CC2D2B: variants seen among roughly 807,000 people sequenced by gnomAD.
CC2D2B encodes coiled-coil and C2 domain containing 2B.
CC2D2B carries 128 observed loss-of-function variants against 161.2 expected under a neutral mutation model. That is an observed-to-expected ratio of 0.79 (90% CI 0.69 to 0.92). The LOEUF (loss-of-function observed/expected upper bound fraction) is 0.92. Among genes scored for constraint, CC2D2B ranks in the 40% least tolerant of loss-of-function variants. The pLI, the probability that CC2D2B is intolerant of heterozygous loss-of-function variation, is 0.00. For missense variants in CC2D2B, 1,173 were observed against 1,375.1 expected (o/e 0.85, Z 2.32); for synonymous variants, 391 against 449.8 (o/e 0.87, Z 1.65).
Position 95,972,096 on chromosome 10 carries a change from C to G in CC2D2B, c.1675C>G (p.Leu559Val). The G allele has an allele frequency of 8.1e-7, 1 of 1,229,930 alleles. No homozygotes were observed. Among genetic ancestry groups the G allele is most frequent in the Non-Finnish European group, 1.0e-6 (1 of 985,970 alleles). The allele number at this position is 1,229,930 out of a possible 1,614,324, so 76.2% of individuals were successfully genotyped here. ...TGAAAAAAGTAAAAGGACAAGCTTA[C>G]TGGCAAAACTATATATACCTTTACC... Reference protein sequence around the residue: ...VYEKSKRTSLLAKLYIPLPNY... With the variant: ...VYEKSKRTSLVAKLYIPLPNY... The change falls in exon 16 of 35, where the codon CTG becomes GTG. Residue 559 changes from leucine (L) to valine (V), a missense_variant. Transcript: ENST00000646931.
chr10:95,960,060 A>G (rs2076708340), intron 11 of CC2D2B, among the ~76,000 whole-genome samples: 1 of 152,188 alleles, frequency 6.6e-6, no homozygotes, highest in Non-Finnish European at 1.5e-5. Context: ...TCATTCAAAT[A>G]GGTGTCAGGA....
intron 32 of CC2D2B, chr10:96,020,748 A>G (rs2141919075): frequency 6.6e-6 from 1 of 152,306 alleles, no homozygotes; most frequent in East Asian, 1.9e-4. Context: ...ACAATAAAAC[A>G]ATTGCTGGAC....
intron 32 of CC2D2B, chr10:96,021,402 A>G (rs1397010112): frequency 6.6e-6 from 1 of 152,258 alleles, no homozygotes; most frequent in African/African-American, 2.4e-5. Context: ...TACAGCAGTA[A>G]AAGATGAATG....
intron 9 of CC2D2B, among the ~76,000 whole-genome samples, chr10:95,941,297 A>T (rs892328698): frequency 2.0e-5 from 3 of 152,194 alleles, no homozygotes; most frequent in Non-Finnish European, 4.4e-5. Flanking sequence ...GGTTTCCTGG[A>T]TATGACACCA....
At position 95,924,335 on chromosome 10, in the gene CC2D2B, A is replaced by G; in HGVS notation, c.119A>G (p.Gln40Arg). The G allele has an allele frequency of 1.3e-6, 2 of 1,517,500 alleles. No homozygotes were observed. Among genetic ancestry groups the G allele is most frequent in the South Asian group, 1.3e-5 (1 of 78,168 alleles). 94.0% of individuals were successfully genotyped at this position (1,517,500 alleles called of 1,614,324 possible). ...ATAGATTTAGATGCAGAAGAAAATC[A>G]AAATGTAGCAAAGACATTGAGAGGC... The part of the protein sequence containing the change: ...LQKDLDAEEN[Q>R]NVAKTLRGKV... Residue 40 changes from glutamine to arginine, a missense_variant, in exon 4 of 35, where the codon CAA becomes CGA. Coordinates refer to ENST00000646931, the MANE Select transcript of CC2D2B (RefSeq NM_001349008.3).
At chr10:95,968,609 C>A in intron 14 of CC2D2B, 115 bp from the exon 15 acceptor site, 1 of 419,028 alleles carries the variant, frequency 2.4e-6, no homozygotes, top group Non-Finnish European at 4.1e-6. Flanking sequence ...GTAAAGATAA[C>A]ATTTGTCCTC....
chr10:96,012,093 T>A (rs1330732908), intron 26 of CC2D2B, 92 bp from the exon 27 acceptor site: 4 of 545,136 alleles, frequency 7.3e-6, no homozygotes, highest in Non-Finnish European at 1.3e-5. Context: ...CAAGCAAGCT[T>A]TCTGTGATGG....
intron 2 of CC2D2B, among the ~76,000 whole-genome samples, chr10:95,913,875 C>G (rs1342276421): frequency 6.6e-6 from 1 of 152,136 alleles, no homozygotes; most frequent in Non-Finnish European, 1.5e-5. Flanking sequence ...AATCCCTAAT[C>G]AGATACATAG....
At chr10:96,019,674 C>T in intron 31 of CC2D2B, 28 bp from the exon 32 acceptor site, 3 of 1,553,516 alleles carry the variant, frequency 1.9e-6, no homozygotes, top group South Asian at 2.5e-5. Context: ...TATGGACCTA[C>T]ACTAATGTTA....
rs752002515 is a variant in CC2D2B, at chr10:95,961,954, AGTTACAG to A, written c.1239_1245del (p.Leu413PhefsTer6). On this transcript the variant is annotated frameshift_variant, in exon 12 of 35. Transcript: ENST00000646931. LOFTEE classifies it high-confidence loss of function. ...CAAGGGTTTACAAGCACCCCAATAA[AGTTACAG>A]GTTCAGAGGTAAGTGGCTGCTCTAT... 151 of 1,231,512 alleles carry A rather than the reference AGTTACAG, an allele frequency of 1.2e-4. No individual in the cohort carries two copies. Among genetic ancestry groups the A allele is most frequent in the Non-Finnish European group, 1.5e-4 (144 of 987,638 alleles). The allele number at this position is 1,231,512 out of a possible 1,614,324, so 76.3% of individuals were successfully genotyped here.
At chr10:95,934,809 T>C (rs1036874241) in intron 6 of CC2D2B, among the ~76,000 whole-genome samples, 2 of 152,196 alleles carry the variant, frequency 1.3e-5, no homozygotes, top group African/African-American at 4.8e-5. Context: ...TGCTGGGAGC[T>C]GCAGACTGGA....
intron 12 of CC2D2B, among the ~76,000 whole-genome samples, chr10:95,965,624 A>G (rs1487647964): frequency 6.6e-6 from 1 of 152,080 alleles, no homozygotes; most frequent in African/African-American, 2.4e-5. Context: ...CACCAGAGGA[A>G]AGGTTTCTTG....
intron 21 of CC2D2B, 85 bp from the exon 22 acceptor site, chr10:95,992,442 G>A: frequency 9.9e-7 from 1 of 1,008,830 alleles, no homozygotes; most frequent in Non-Finnish European, 1.3e-6. Context: ...TAGAATAATG[G>A]TCTCATTTCA....
intron 9 of CC2D2B, among the ~76,000 whole-genome samples, chr10:95,947,113 A>ATATATATATTT (rs1289243570): frequency 4.1e-5 from 2 of 48,376 alleles, no homozygotes; most frequent in East Asian, 5.9e-4. Flanking sequence ...ATATATATAT[A>ATATATATATTT]TTTTTTTTTT....
At chr10:95,974,194 T>C (rs17111249) in intron 17 of CC2D2B, 38 bp downstream of exon 17, 22,711 of 1,140,094 alleles carry the variant, frequency 0.02, 519 homozygotes, top group African/African-American at 0.082. Flanking sequence ...ATGCCAGGTC[T>C]CAGCAAAGCA....
At chr10:96,029,262 ATATATATATATATATAT>A (rs1257919232) in intron 34 of CC2D2B, among the ~76,000 whole-genome samples, 37 of 61,610 alleles carry the variant, frequency 6.0e-4, no homozygotes, top group African/African-American at 2.9e-3. Context: ...ATATATATAT[ATATATATATATATATAT>A]ATATATGTAT....
intron 30 of CC2D2B, among the ~76,000 whole-genome samples, chr10:96,017,091 T>C (rs2079235755): frequency 6.6e-6 from 1 of 152,150 alleles, no homozygotes; most frequent in Non-Finnish European, 1.5e-5. Flanking sequence ...ATTGCTGAGG[T>C]TTTAATCTTA....
Position 96,004,266 on chromosome 10 carries a change from C to A in CC2D2B, c.2946+18C>A. ...AACATGAGGTAAAGTAGAATAATTA[C>A]AATAGCCAATGCTGAAATAATTCTA... On this transcript the variant is annotated intron_variant, in intron 25 of 34. Coordinates refer to ENST00000646931, the MANE Select transcript of CC2D2B (RefSeq NM_001349008.3). The A allele has an allele frequency of 8.3e-7, 1 of 1,211,468 alleles. No homozygotes were observed. Among genetic ancestry groups the A allele is most frequent in the Non-Finnish European group, 1.2e-6 (1 of 857,720 alleles). The allele number at this position is 1,211,468 out of a possible 1,614,324, so 75.0% of individuals were successfully genotyped here.
intron 25 of CC2D2B, among the ~76,000 whole-genome samples, chr10:96,008,221 A>T (rs11188554): frequency 7.2e-6 from 1 of 139,060 alleles, no homozygotes; most frequent in Non-Finnish European, 1.6e-5. Flanking sequence ...TTATTTTCAG[A>T]TTCATTCATG....
Sources: gnomAD v4.1 joint callset for allele counts (sites outside exome capture counted in the v4.1 genomes callset) on GRCh38, gnomAD v4.1.1 for gene constraint, MANE v1.5 for transcripts, NCBI Gene and HGNC (gene_info 2026-07-23, HGNC 2026-07-21) for gene names.